CEACAM5: variants seen among roughly 807,000 people sequenced by gnomAD.
CEACAM5 encodes CEA cell adhesion molecule 5.
A neutral mutation model predicts 63.0 loss-of-function variants in CEACAM5; 52 were observed. That is an observed-to-expected ratio of 0.83 (90% confidence interval 0.66 to 1.04). The LOEUF is 1.04. CEACAM5 is among the 50% of genes least tolerant of loss of function. The pLI, the probability that CEACAM5 is intolerant of heterozygous loss-of-function variation, is 0.00. For missense variants in CEACAM5, 790 were observed against 864.8 expected (o/e 0.91, Z 1.08); for synonymous variants, 357 against 351.3 (o/e 1.02, Z -0.18).
At chr19:41,727,889 T>C in intron 9 of CEACAM5, among the ~76,000 whole-genome samples, 1 of 152,060 alleles carries the variant, frequency 6.6e-6, no homozygotes, top group Admixed American at 6.6e-5. Flanking sequence ...TCCTAATAGA[T>C]CTGTTTCCCT....
intron 9 of CEACAM5, among the ~76,000 whole-genome samples, chr19:41,728,820 G>A (rs2122854344): frequency 6.8e-6 from 1 of 146,064 alleles, no homozygotes; most frequent in Middle Eastern, 3.5e-3. Context: ...TGCCTGTGGA[G>A]TTTTTCAACA....
chr19:41,722,306 G>A (rs571864727), intron 8 of CEACAM5, among the ~76,000 whole-genome samples: 2 of 148,234 alleles, frequency 1.3e-5, no homozygotes, highest in South Asian at 4.3e-4. Flanking sequence ...GTAGTTTGCA[G>A]TGAGCCGAGA....
intron 4 of CEACAM5, 124 bp from the exon 5 acceptor site, chr19:41,717,331 C>T (rs978703211): frequency 1.9e-6 from 2 of 1,032,492 alleles, no homozygotes; most frequent in Admixed American, 4.4e-5. Flanking sequence ...GCACACACAC[C>T]TGCCATGAGC....
At chr19:41,715,311 G>T in intron 3 of CEACAM5, 62 bp downstream of exon 3, 1 of 1,603,432 alleles carries the variant, frequency 6.2e-7, no homozygotes, top group South Asian at 1.1e-5. Flanking sequence ...GCCAGAGGCA[G>T]GATTTCTCAG....
chr19:41,717,000 A>G (rs1244900117), intron 4 of CEACAM5, among the ~76,000 whole-genome samples: 2 of 152,298 alleles, frequency 1.3e-5, no homozygotes, highest in East Asian at 1.9e-4. Flanking sequence ...TCAAACATCC[A>G]TCTCCATCAT....
intron 1 of CEACAM5, among the ~76,000 whole-genome samples, chr19:41,709,191 C>T (rs1314133589): frequency 6.6e-6 from 1 of 152,208 alleles, no homozygotes; most frequent in African/African-American, 2.4e-5. Flanking sequence ...GCAGCCTGTC[C>T]CAGGCACTGG....
chr19:41,708,912 T>C, intron 1 of CEACAM5, 117 bp downstream of exon 1: 1 of 688,102 alleles, frequency 1.5e-6, no homozygotes, highest in Admixed American at 2.9e-5. Flanking sequence ...GAAGAGGACA[T>C]CAGAGAGGGA....
At chr19:41,723,307 T>C (rs1555816597) in intron 8 of CEACAM5, among the ~76,000 whole-genome samples, 2 of 152,134 alleles carry the variant, frequency 1.3e-5, no homozygotes, top group Admixed American at 6.5e-5. Context: ...TGCACTAGAG[T>C]TCCAATTTTT....
chr19:41,713,134 G>A (rs797025664), intron 2 of CEACAM5, among the ~76,000 whole-genome samples: 16 of 152,134 alleles, frequency 1.1e-4, no homozygotes, highest in Admixed American at 3.3e-4. Flanking sequence ...GTGAAACCCC[G>A]TCTCTACTAA....
intron 8 of CEACAM5, among the ~76,000 whole-genome samples, chr19:41,722,606 TCTGCC>T (rs1255990357): frequency 2.0e-5 from 3 of 152,222 alleles, no homozygotes; most frequent in Admixed American, 2.0e-4. Flanking sequence ...TCCTTTTGTG[TCTGCC>T]CTATTTCACT....
chr19:41,720,280 A>G, intron 7 of CEACAM5, 72 bp downstream of exon 7: 1 of 1,525,880 alleles, frequency 6.6e-7, no homozygotes, highest in Non-Finnish European at 9.0e-7. Flanking sequence ...CAGGACTCTC[A>G]GTTCTCCTCA....
Position 41,714,951 on chromosome 19 carries a change from T to G in CEACAM5, c.425-20T>G, listed in dbSNP as rs782459445. ...TCAAAGGTGCCACACAGGGCAATCT[T>G]CTCTCTGTTATCTGCACAGCGGAGC... On this transcript the variant is annotated intron_variant, in intron 2 of 9. Coordinates refer to ENST00000221992, the MANE Select transcript of CEACAM5 (RefSeq NM_004363.6). 3 of 1,613,974 alleles carry G rather than the reference T, an allele frequency of 1.9e-6. No homozygotes were observed. Among genetic ancestry groups the G allele is most frequent in the Non-Finnish European group, 2.5e-6 (3 of 1,179,894 alleles).
In CEACAM5 at chr19:41,709,706, C is replaced by G. The variant is rs1390734199; in HGVS notation, c.91C>G (p.Pro31Ala). The change falls in exon 2 of 10, where the codon CCC becomes GCC. Residue 31 changes from proline (P) to alanine (A), a missense_variant. Physicochemically the swap from Pro to Ala is conservative, Grantham distance 27. Coordinates refer to ENST00000221992, the MANE Select transcript of CEACAM5 (RefSeq NM_004363.6). ...CTCACTTCTAACCTTCTGGAACCCG[C>G]CCACCACTGCCAAGCTCACTATTGA... is the stretch of plus-strand genomic sequence containing the variant. Reference protein sequence around the residue: ...TASLLTFWNPPTTAKLTIEST... With the variant: ...TASLLTFWNPATTAKLTIEST... 6.2e-7 allele frequency: 1 copy of G among 1,613,860 alleles called. No individual in the cohort carries two copies. The highest frequency in any genetic ancestry group is 8.5e-7 in the Non-Finnish European group (1 of 1,179,928).
chr19:41,721,492 C>G (rs1294574087), intron 8 of CEACAM5, among the ~76,000 whole-genome samples: 1 of 152,258 alleles, frequency 6.6e-6, no homozygotes, highest in East Asian at 1.9e-4. Context: ...TTGCTCCTCT[C>G]TATCACCAAT....
intron 2 of CEACAM5, among the ~76,000 whole-genome samples, chr19:41,713,931 C>T (rs1342022358): frequency 1.3e-5 from 2 of 152,140 alleles, no homozygotes; most frequent in Admixed American, 6.6e-5. Context: ...AGACCAAAGA[C>T]AGGCCGGGTG....
rs146243423 is a variant in CEACAM5 at position 41,717,664 on chromosome 19, C to A, written c.1168C>A (p.Pro390Thr). The A allele has an allele frequency of 6.2e-7, 1 of 1,614,080 alleles. No homozygotes were observed. Among genetic ancestry groups the A allele is most frequent in the African/African-American group, 1.3e-5 (1 of 74,924 alleles). Residue 390 changes from proline (P) to threonine (T), a missense_variant, in exon 5 of 10, where the codon CCC becomes ACC. Transcript: ENST00000221992. Reference protein sequence around the residue: ...LLSVTRNDVGPYECGIQNELS... With the variant: ...LLSVTRNDVGTYECGIQNELS... ...CAGTGTCACAAGGAATGATGTAGGA[C>A]CCTATGAGTGTGGAATCCAGAACGA...
intron 8 of CEACAM5, 42 bp downstream of exon 8, chr19:41,721,218 G>C: frequency 6.2e-7 from 1 of 1,605,716 alleles, no homozygotes; most frequent in Non-Finnish European, 8.5e-7. Context: ...TTCTGGGGTG[G>C]AGTCTATCTG....
At chr19:41,711,697 A>C (rs988813435) in intron 2 of CEACAM5, among the ~76,000 whole-genome samples, 1 of 152,058 alleles carries the variant, frequency 6.6e-6, no homozygotes, top group Non-Finnish European at 1.5e-5. Flanking sequence ...CGCATGGCTC[A>C]TTGCCATGGG....
chr19:41,709,985 G>A lies in CEACAM5; in HGVS notation c.370G>A (p.Val124Ile), dbSNP rs550154092. ...QNDTGFYTLHVIKSDLVNEEA... is the reference protein window; with the variant it reads ...QNDTGFYTLHIIKSDLVNEEA... ...TGACACAGGATTCTACACCCTACAC[G>A]TCATAAAGTCAGATCTTGTGAATGA... Residue 124 changes from valine (V) to isoleucine (I), a missense_variant, in exon 2 of 10, where the codon GTC becomes ATC. Transcript: ENST00000221992. 3.3e-5 allele frequency: 53 copies of A among 1,612,652 alleles called. No homozygotes were observed. Among genetic ancestry groups the A allele is most frequent in the Non-Finnish European group, 3.1e-5 (37 of 1,179,134 alleles).
Sources: gnomAD v4.1 joint callset for allele counts (sites outside exome capture counted in the v4.1 genomes callset) on GRCh38, gnomAD v4.1.1 for gene constraint, MANE v1.5 for transcripts, NCBI Gene and HGNC (gene_info 2026-07-23, HGNC 2026-07-21) for gene names.